Variants in PTPRD observed in about 807,000 individuals in gnomAD.
The protein encoded by PTPRD is receptor-type tyrosine-protein phosphatase delta.
PTPRD carries 34 observed loss-of-function variants against 214.5 expected under a neutral mutation model. The ratio of observed to expected loss-of-function variants is 0.16; its 90% CI spans 0.12 to 0.21. The LOEUF is 0.21. PTPRD is among the 10% of genes least tolerant of loss of function. The probability of loss-of-function intolerance (pLI) is 1.00; values close to 1 mark genes in which losing one functional copy is unlikely to be tolerated. For synonymous variants in PTPRD, 1,128 were observed against 845.7 expected (o/e 1.33, Z -5.79); for missense variants, 2,545 against 2,398.7 (o/e 1.06, Z -1.27).
At chr9:9,921,292 TA>T (rs1410525550) in intron 5 of PTPRD, among the ~76,000 whole-genome samples, 2 of 152,076 alleles carry the variant, frequency 1.3e-5, no homozygotes, top group Non-Finnish European at 2.9e-5. Flanking sequence ...GCACATAAGA[TA>T]GGGTTTCTGT....
intron 3 of PTPRD, among the ~76,000 whole-genome samples, chr9:10,163,787 T>C (rs1296027324): frequency 6.6e-6 from 1 of 151,476 alleles, no homozygotes; most frequent in Non-Finnish European, 1.5e-5. Flanking sequence ...ATATTGCTAT[T>C]TTCATGCAGG....
intron 2 of PTPRD, among the ~76,000 whole-genome samples, chr9:10,511,969 T>TAC (rs2048308778): frequency 1.5e-4 from 8 of 51,690 alleles, no homozygotes; most frequent in Admixed American, 7.7e-4. Flanking sequence ...TATATATACG[T>TAC]GTGTGTGTAT....
intron 10 of PTPRD, among the ~76,000 whole-genome samples, chr9:9,119,934 C>T (rs2099816039): frequency 6.6e-6 from 1 of 151,722 alleles, no homozygotes; most frequent in Non-Finnish European, 1.5e-5. Context: ...GATCGCTATG[C>T]ATTATATACA....
intron 2 of PTPRD, among the ~76,000 whole-genome samples, chr9:10,472,000 T>A (rs1224371957): frequency 1.3e-5 from 2 of 152,034 alleles, no homozygotes; most frequent in Admixed American, 6.6e-5. Context: ...AAATGACACA[T>A]GTGAGTTTAA....
At chr9:10,230,875 T>C (rs951362640) in intron 3 of PTPRD, among the ~76,000 whole-genome samples, 3 of 152,034 alleles carry the variant, frequency 2.0e-5, no homozygotes, top group Non-Finnish European at 4.4e-5. Context: ...CCAGAGTGCT[T>C]CTAGCGTTTA....
chr9:9,083,384 C>A (rs1357285691), intron 10 of PTPRD, among the ~76,000 whole-genome samples: 1 of 152,078 alleles, frequency 6.6e-6, no homozygotes, highest in Non-Finnish European at 1.5e-5. Context: ...CTTCTTTATA[C>A]CTAATACAAA....
intron 9 of PTPRD, among the ~76,000 whole-genome samples, chr9:9,388,856 G>C (rs1372255035): frequency 6.6e-6 from 1 of 152,034 alleles, no homozygotes; most frequent in Non-Finnish European, 1.5e-5. Context: ...GAGATAATGA[G>C]TATAAGGGAA....
chr9:8,457,183 G>A (rs904440649), intron 33 of PTPRD, among the ~76,000 whole-genome samples: 1 of 152,084 alleles, frequency 6.6e-6, no homozygotes, highest in Non-Finnish European at 1.5e-5. Flanking sequence ...AAGAAATGTA[G>A]GCTCAGAGTG....
At chr9:10,208,401 C>A (rs1594244522) in intron 3 of PTPRD, among the ~76,000 whole-genome samples, 1 of 152,294 alleles carries the variant, frequency 6.6e-6, no homozygotes, top group Middle Eastern at 3.4e-3. Flanking sequence ...GTAGTCCCAG[C>A]TACTCGGGAG....
At chr9:10,367,079 TAAA>T (rs145427017) in intron 2 of PTPRD, among the ~76,000 whole-genome samples, 4 of 133,170 alleles carry the variant, frequency 3.0e-5, no homozygotes, top group African/African-American at 8.3e-5. Context: ...CAGACAAACA[TAAA>T]AAAAAAAAAA....
intron 9 of PTPRD, among the ~76,000 whole-genome samples, chr9:9,318,763 A>C (rs894971622): frequency 6.6e-6 from 1 of 152,142 alleles, no homozygotes; most frequent in Non-Finnish European, 1.5e-5. Flanking sequence ...CTTTTATCAT[A>C]ATATAATATT....
At chr9:10,169,956 A>G (rs2099190313) in intron 3 of PTPRD, among the ~76,000 whole-genome samples, 1 of 152,244 alleles carries the variant, frequency 6.6e-6, no homozygotes, top group Non-Finnish European at 1.5e-5. Context: ...ATAAGAAAAG[A>G]TAAATACACT....
At chr9:8,445,288 T>C (rs10815876) in intron 34 of PTPRD, among the ~76,000 whole-genome samples, 64,539 of 152,000 alleles carry the variant, frequency 0.42, 16,056 homozygotes, top group East Asian at 0.61. Context: ...ATTATTCTCT[T>C]AAATGATTAG....
At chr9:10,223,157 G>A (rs1421692983) in intron 3 of PTPRD, among the ~76,000 whole-genome samples, 1 of 151,494 alleles carries the variant, frequency 6.6e-6, no homozygotes. Flanking sequence ...TTTTCCTAAT[G>A]TGTCTCTTCT....
At chr9:10,493,934 A>G (rs2041198732) in intron 2 of PTPRD, among the ~76,000 whole-genome samples, 2 of 152,120 alleles carry the variant, frequency 1.3e-5, no homozygotes, top group South Asian at 4.1e-4. Flanking sequence ...ACAACTAGCA[A>G]GTGAAGGTAG....
intron 12 of PTPRD, among the ~76,000 whole-genome samples, chr9:8,683,334 T>G (rs12341997): frequency 0.087 from 13,232 of 151,814 alleles, 1,560 homozygotes; most frequent in African/African-American, 0.27. Flanking sequence ...TTGAAAAATG[T>G]TAATTCATAA....
intron 3 of PTPRD, among the ~76,000 whole-genome samples, chr9:10,149,467 T>G (rs1007842440): frequency 1.3e-5 from 2 of 152,080 alleles, no homozygotes; most frequent in Non-Finnish European, 2.9e-5. Flanking sequence ...ATGACAAGAG[T>G]TGGCTTTAAA....
intron 4 of PTPRD, among the ~76,000 whole-genome samples, chr9:10,002,265 A>G (rs1332556619): frequency 6.7e-6 from 1 of 149,508 alleles, no homozygotes; most frequent in Non-Finnish European, 1.5e-5. Flanking sequence ...AAAAAAAGAC[A>G]CAAGACATAC....
At chr9:9,208,693 T>A (rs1490167101) in intron 9 of PTPRD, among the ~76,000 whole-genome samples, 1 of 152,070 alleles carries the variant, frequency 6.6e-6, no homozygotes, top group African/African-American at 2.4e-5. Context: ...ATAAAGAAGA[T>A]ACGATAAAAT....
Sources: gnomAD v4.1 joint callset for allele counts (sites outside exome capture counted in the v4.1 genomes callset) on GRCh38, gnomAD v4.1.1 for gene constraint, MANE v1.5 for transcripts, NCBI Gene and HGNC (gene_info 2026-07-23, HGNC 2026-07-21) for gene names.